The following BHMT variants were observed in gnomAD, a reference collection of about 807,000 sequenced individuals.
The protein encoded by BHMT is betaine--homocysteine S-methyltransferase.
A neutral mutation model predicts 49.5 loss-of-function variants in BHMT; 38 were observed. That is an observed-to-expected ratio of 0.77 (90% CI 0.59 to 1.01). BHMT has a LOEUF of 1.01. Among genes scored for constraint, BHMT ranks in the 50% least tolerant of loss-of-function variants. BHMT has a pLI of 0.00. For missense variants in BHMT, 426 were observed against 495.7 expected (o/e 0.86, Z 1.34); for synonymous variants, 166 against 176.3 (o/e 0.94, Z 0.46).
At chr5:79,121,068 T>C (rs1162657760) in intron 4 of BHMT, 150 bp from the exon 5 acceptor site, 4 of 918,666 alleles carry the variant, frequency 4.4e-6, no homozygotes, top group Non-Finnish European at 4.8e-6. Flanking sequence ...GGAGAATTGC[T>C]TGAAACTGGG....
chr5:79,131,454 C>CATG lies in BHMT; in HGVS notation c.*340_*342dup, dbSNP rs1712831765. The CATG allele has an allele frequency of 5.3e-6, 1 of 188,418 alleles. No individual in the cohort carries two copies. Among genetic ancestry groups the CATG allele is most frequent in the South Asian group, 1.3e-4 (1 of 7,502 alleles). The allele number at this position is 188,418 out of a possible 1,614,324, so 11.7% of individuals were successfully genotyped here. On this transcript the variant is annotated 3_prime_UTR_variant, in exon 8 of 8. Transcript: ENST00000274353. ...TGGTAGGCTAGCAAAGAGGATGAGACATGAACTGTCATAAAGGACTCAGCA... is the reference window on the plus strand; with the variant it reads ...TGGTAGGCTAGCAAAGAGGATGAGACATGATGAACTGTCATAAAGGACTCAGCA...
At chr5:79,128,396 G>A (rs935308537) in intron 7 of BHMT, among the ~76,000 whole-genome samples, 1 of 151,240 alleles carries the variant, frequency 6.6e-6, no homozygotes, top group Non-Finnish European at 1.5e-5. Flanking sequence ...TGGGCATAGT[G>A]GTGCATGCCT....
At chr5:79,112,234 G>T (rs183166131) in intron 1 of BHMT, among the ~76,000 whole-genome samples, 34 of 152,286 alleles carry the variant, frequency 2.2e-4, no homozygotes, top group African/African-American at 8.2e-4. Flanking sequence ...AGACCCAAAG[G>T]CACCCTCTGA....
rs1212171335 is a variant in BHMT, at chr5:79,115,750, C to A, written c.34-17C>A. The A allele has an allele frequency of 6.3e-7, 1 of 1,580,766 alleles. No individual in the cohort carries two copies. Among genetic ancestry groups the A allele is most frequent in the Non-Finnish European group, 8.6e-7 (1 of 1,163,820 alleles). On this transcript the variant is annotated splice_polypyrimidine_tract_variant and intron_variant, in intron 1 of 7. Coordinates refer to ENST00000274353, the MANE Select transcript of BHMT (RefSeq NM_001713.3). ...ACACTCAAGTAACTCCTTTTCCTCC[C>A]TCATCTGTAATTTTAGGGCATCCTA...
chr5:79,120,262 T>C (rs1042530000), intron 3 of BHMT, 88 bp from the exon 4 acceptor site: 3 of 1,257,744 alleles, frequency 2.4e-6, no homozygotes, highest in Non-Finnish European at 3.2e-6. Context: ...CTATTGTAAA[T>C]ATACAACTAA....
At chr5:79,115,190 G>A (rs1756367501) in intron 1 of BHMT, among the ~76,000 whole-genome samples, 1 of 151,992 alleles carries the variant, frequency 6.6e-6, no homozygotes, top group Non-Finnish European at 1.5e-5. Context: ...TAGCATTGCT[G>A]GGCACTGTGG....
rs1324635575 is a variant in BHMT at position 79,130,994 on chromosome 5, A to G, written c.1099A>G (p.Met367Val). ...IASGRPYNPSMSKPDGWGVTK... is the reference protein window; with the variant it reads ...IASGRPYNPSVSKPDGWGVTK... The stretch of plus-strand genomic sequence containing the variant: ...CTCAGGCCGGCCATACAACCCTTCA[A>G]TGTCAAAGCCAGATGGCTGGGGAGT... The change falls in exon 8 of 8, where the codon ATG (methionine) becomes GTG (valine). Residue 367 changes from methionine to valine, a missense_variant. Around this residue, in one of 3 missense-constraint regions of BHMT, gnomAD observed 73 missense variants for 68.3 expected, o/e 1.07. Transcript: ENST00000274353. 5 of 1,613,982 alleles carry G rather than the reference A, an allele frequency of 3.1e-6. No individual in the cohort carries two copies. Among genetic ancestry groups the G allele is most frequent in the Middle Eastern group, 1.7e-4 (1 of 6,060 alleles).
At position 79,119,385 on chromosome 5, in the gene BHMT, A is replaced by T; in HGVS notation, c.285+8A>T. The T allele has an allele frequency of 6.3e-7, 1 of 1,596,796 alleles. No homozygotes were observed. The highest frequency in any genetic ancestry group is 8.6e-7 in the Non-Finnish European group (1 of 1,166,106). The stretch of plus-strand genomic sequence containing the variant: ...GTCTTAGAGAAGATATCTGTGAGTA[A>T]AACCAGCCGTGGGACTTTTAGAAGG... On this transcript the variant is annotated splice_region_variant and intron_variant, in intron 3 of 7. Transcript: ENST00000274353.
At chr5:79,115,634 A>G (rs1403531055) in intron 1 of BHMT, 133 bp from the exon 2 acceptor site, 2 of 1,012,206 alleles carry the variant, frequency 2.0e-6, no homozygotes, top group Non-Finnish European at 2.8e-6. Context: ...ATGTATATAT[A>G]AAATATACAT....
intron 1 of BHMT, among the ~76,000 whole-genome samples, chr5:79,112,891 C>T (rs937028944): frequency 2.6e-5 from 4 of 152,282 alleles, no homozygotes; most frequent in Admixed American, 2.0e-4. Flanking sequence ...AGAGAATAAA[C>T]TTGACCTTTT....
chr5:79,116,001 T>C, intron 2 of BHMT, 102 bp downstream of exon 2: 1 of 1,374,594 alleles, frequency 7.3e-7, no homozygotes, highest in Admixed American at 3.1e-5. Flanking sequence ...GAAGACCACT[T>C]GAGCCCAGGA....
At chr5:79,124,239 T>A (rs2112729687) in intron 5 of BHMT, among the ~76,000 whole-genome samples, 1 of 152,182 alleles carries the variant, frequency 6.6e-6, no homozygotes, top group South Asian at 2.1e-4. Context: ...GTGAATATAA[T>A]TAATGCCACT....
Position 79,126,137 on chromosome 5 carries a change from A to T in BHMT, c.717A>T (p.Arg239=). 1.9e-6 allele frequency: 3 copies of T among 1,613,622 alleles called. No homozygotes were observed. The highest frequency in any genetic ancestry group is 2.5e-6 in the Non-Finnish European group (3 of 1,179,568). Residue 239 remains arginine, a synonymous_variant, in exon 6 of 8, where the codon CGA becomes CGT. Coordinates refer to ENST00000274353, the MANE Select transcript of BHMT (RefSeq NM_001713.3). ...KLMKEGLEAA[R]LKAHLMSQPL... is the part of the protein sequence containing the mutation. ...TGAAGGAGGGCTTGGAGGCTGCCCG[A>T]CTGAAAGCTCACCTGATGAGCCAGC...
chr5:79,118,286 C>T (rs1402006168), intron 2 of BHMT, among the ~76,000 whole-genome samples: 1 of 152,020 alleles, frequency 6.6e-6, no homozygotes, highest in Non-Finnish European at 1.5e-5. Flanking sequence ...GCCAACATGG[C>T]GAAACCCTGC....
At chr5:79,116,859 G>C (rs930481491) in intron 2 of BHMT, among the ~76,000 whole-genome samples, 2 of 152,158 alleles carry the variant, frequency 1.3e-5, no homozygotes, top group Non-Finnish European at 2.9e-5. Context: ...ATTGTATTAT[G>C]GGTTAGAGTA....
chr5:79,125,136 A>G (rs1384950066), intron 5 of BHMT, among the ~76,000 whole-genome samples: 1 of 152,166 alleles, frequency 6.6e-6, no homozygotes, highest in Non-Finnish European at 1.5e-5. Context: ...TTGAAGTTTA[A>G]AAAAATTCTA....
chr5:79,119,816 C>G (rs1429797823), intron 3 of BHMT, among the ~76,000 whole-genome samples: 1 of 152,168 alleles, frequency 6.6e-6, no homozygotes, highest in Non-Finnish European at 1.5e-5. Context: ...TTCCAAAATT[C>G]CACGAGTGTA....
chr5:79,119,151 C>A (rs1269209480), intron 2 of BHMT, 108 bp from the exon 3 acceptor site: 52 of 885,238 alleles, frequency 5.9e-5, no homozygotes, highest in Non-Finnish European at 7.8e-5. Flanking sequence ...AAATGTCAAG[C>A]AACCAGAAAT....
intron 1 of BHMT, among the ~76,000 whole-genome samples, chr5:79,112,435 A>C (rs1192144143): frequency 2.0e-5 from 3 of 152,196 alleles, no homozygotes. Context: ...CGGCGCGCCC[A>C]GAACAGGGAG....
Sources: gnomAD v4.1 joint callset for allele counts (sites outside exome capture counted in the v4.1 genomes callset) on GRCh38, gnomAD v4.1.1 for gene constraint, gnomAD v4.1.1 regional missense constraint, MANE v1.5 for transcripts, NCBI Gene and HGNC (gene_info 2026-07-23, HGNC 2026-07-21) for gene names.